The following SEMA7A variants were observed in gnomAD, a reference collection of about 807,000 sequenced individuals.
The protein encoded by SEMA7A is semaphorin 7A (JohnMiltonHagen blood group), also known as semaphorin-7A.
Under a neutral mutation model 67.5 loss-of-function variants are expected in SEMA7A, and 21 were observed. The observed-to-expected ratio is 0.31, with a 90% CI of 0.22 to 0.45. The LOEUF is 0.45. Ranked by LOEUF, SEMA7A falls within the 20% of genes least tolerant of loss-of-function variation. The pLI is 1.00. For synonymous variants in SEMA7A, 364 were observed against 368.5 expected (o/e 0.99, Z 0.14); for missense variants, 774 against 908.6 (o/e 0.85, Z 1.90).
chr15:74,433,952 C>G lies in SEMA7A; in HGVS notation c.-34G>C, dbSNP rs1045845740. 8 of 1,236,098 alleles carry G rather than the reference C, an allele frequency of 6.5e-6. No homozygotes were observed. Among genetic ancestry groups the G allele is most frequent in the Non-Finnish European group, 6.1e-6 (6 of 991,232 alleles). The allele number at this position is 1,236,098 out of a possible 1,614,324, so 76.6% of individuals were successfully genotyped here. ...CCCGGGAGCGACAGCGGCAATCAGC[C>G]GAGACTGAGCCAGCGCCCGGCCGCA... On this transcript the variant is annotated 5_prime_UTR_variant, in exon 1 of 14. Transcript: ENST00000261918.
Position 74,416,025 on chromosome 15 carries a change from C to T in SEMA7A, c.802-40G>A, listed in dbSNP as rs755803828. ...GGGAGAAGAGGCCCCTCAGCACCTG[C>T]CCGGGCTTCCCCACACACCCCAGGA... On this transcript the variant is annotated intron_variant, in intron 7 of 13. Transcript: ENST00000261918. The T allele has an allele frequency of 8.8e-6, 14 of 1,589,954 alleles. No homozygotes were observed. In the South Asian group the frequency reaches 1.6e-4, roughly 18 times the overall value.
At chr15:74,426,540 C>G (rs28362885) in intron 1 of SEMA7A, among the ~76,000 whole-genome samples, 1 of 152,096 alleles carries the variant, frequency 6.6e-6, no homozygotes, top group Non-Finnish European at 1.5e-5. Context: ...GGAATCTTCT[C>G]GAGGTGCAGC....
chr15:74,427,610 C>T (rs958575377), intron 1 of SEMA7A, among the ~76,000 whole-genome samples: 2 of 152,274 alleles, frequency 1.3e-5, no homozygotes, highest in East Asian at 1.9e-4. Flanking sequence ...GGATTACAGG[C>T]GTGAGACTCT....
In SEMA7A at chr15:74,418,754, G is replaced by A. The variant is rs758579422; in HGVS notation, c.330+47C>T. 29 of 1,596,258 alleles carry A rather than the reference G, an allele frequency of 1.8e-5. No individual in the cohort carries two copies. The African/African-American group carries it at 3.2e-4, about 18-fold the overall frequency. On this transcript the variant is annotated intron_variant, in intron 2 of 13. Coordinates refer to ENST00000261918, the MANE Select transcript of SEMA7A (RefSeq NM_003612.5). ...CTGAGGACCCTTGGCAGGGCCAGAG[G>A]GGAGATAAGAGGGTAGGGGGGGTGT...
At chr15:74,433,058 G>A (rs1280709081) in intron 1 of SEMA7A, among the ~76,000 whole-genome samples, 4 of 152,182 alleles carry the variant, frequency 2.6e-5, no homozygotes, top group Non-Finnish European at 4.4e-5. Context: ...CGCTGGAGCC[G>A]ATTTCTGGTG....
chr15:74,429,166 G>A (rs1230739169), intron 1 of SEMA7A, among the ~76,000 whole-genome samples: 1 of 152,244 alleles, frequency 6.6e-6, no homozygotes, highest in Non-Finnish European at 1.5e-5. Flanking sequence ...AAACTTTTCA[G>A]TCCAGAGCTG....
intron 1 of SEMA7A, among the ~76,000 whole-genome samples, chr15:74,429,679 G>A (rs905821130): frequency 3.3e-5 from 5 of 152,288 alleles, no homozygotes; most frequent in South Asian, 2.1e-4. Flanking sequence ...TCACTGCTGC[G>A]CCAGTCATAG....
intron 1 of SEMA7A, among the ~76,000 whole-genome samples, chr15:74,429,414 A>T (rs2061069011): frequency 6.6e-6 from 1 of 152,168 alleles, no homozygotes; most frequent in Non-Finnish European, 1.5e-5. Context: ...TGACCTATCC[A>T]TGCCACCCCC....
intron 1 of SEMA7A, among the ~76,000 whole-genome samples, chr15:74,426,615 A>T (rs895755087): frequency 1.3e-5 from 2 of 152,152 alleles, no homozygotes; most frequent in Non-Finnish European, 1.5e-5. Context: ...CTCAGAACAT[A>T]AAGTACTCTG....
rs1215935235 is a variant in SEMA7A at position 74,411,587 on chromosome 15, C to G, written c.1546G>C (p.Gly516Arg). 1.3e-6 allele frequency: 2 copies of G among 1,589,590 alleles called. No homozygotes were observed. Among genetic ancestry groups the G allele is most frequent in the South Asian group, 2.3e-5 (2 of 87,782 alleles). ...SRDPYCGWDQ[G>R]RCISIYSSER... ...GAGCTGTAGATGGAGATGCAGCGGC[C>G]TTGGTCCCAGCCGCAGTAGGGGTCT... Residue 516 changes from glycine (G) to arginine (R), a missense_variant, in exon 12 of 14, where the codon GGC becomes CGC. By Grantham distance (125) the Gly-to-Arg change is moderately radical. This residue lies in a region of SEMA7A where 427 missense variants were observed against 555.4 expected (regional missense o/e 0.77). Coordinates refer to ENST00000261918, the MANE Select transcript of SEMA7A (RefSeq NM_003612.5). The surrounding 1 kb of genome is among the most constrained non-coding windows in gnomAD (Gnocchi z 4.4).
intron 1 of SEMA7A, chr15:74,427,235 C>A (rs565316229): frequency 1.0e-6 from 1 of 985,298 alleles, no homozygotes. Flanking sequence ...GCCTATGGGG[C>A]CCTGAAGGTG....
intron 1 of SEMA7A, among the ~76,000 whole-genome samples, chr15:74,426,395 C>T: frequency 6.6e-6 from 1 of 152,208 alleles, no homozygotes; most frequent in East Asian, 1.9e-4. Flanking sequence ...TGACCTCCAC[C>T]TGTGTGTGGC....
At chr15:74,433,486 A>C in intron 1 of SEMA7A, 4 of 1,069,082 alleles carry the variant, frequency 3.7e-6, no homozygotes, top group Non-Finnish European at 4.7e-6. Context: ...CCTGGCTGCC[A>C]GGGACTTGGT....
At chr15:74,417,166 C>T (rs534720940) in intron 6 of SEMA7A, among the ~76,000 whole-genome samples, 169 bp downstream of exon 6, 1 of 152,252 alleles carries the variant, frequency 6.6e-6, no homozygotes, top group East Asian at 1.9e-4. Flanking sequence ...CTTGTCTGTT[C>T]CTCTGCTCCC....
At chr15:74,415,277 C>T (rs1335098686) in intron 8 of SEMA7A, among the ~76,000 whole-genome samples, 2 of 152,076 alleles carry the variant, frequency 1.3e-5, no homozygotes, top group Non-Finnish European at 2.9e-5. Flanking sequence ...AGGCCAGACC[C>T]CCAACCCCTT....
intron 1 of SEMA7A, among the ~76,000 whole-genome samples, chr15:74,428,077 G>A (rs971125955): frequency 3.3e-5 from 5 of 152,222 alleles, no homozygotes; most frequent in East Asian, 1.9e-4. Flanking sequence ...TGATTAGCCC[G>A]AGCCGGGACA....
intron 1 of SEMA7A, among the ~76,000 whole-genome samples, chr15:74,430,835 TAAC>T (rs1336193573): frequency 6.6e-6 from 1 of 152,000 alleles, no homozygotes; most frequent in Non-Finnish European, 1.5e-5. Flanking sequence ...CTGGAGGAGG[TAAC>T]AACAACCTCC....
At chr15:74,428,571 C>A (rs1227261983) in intron 1 of SEMA7A, among the ~76,000 whole-genome samples, 4 of 152,224 alleles carry the variant, frequency 2.6e-5, no homozygotes, top group Admixed American at 2.0e-4. Flanking sequence ...AAAGAACCAG[C>A]AGCCTCCTTT....
Position 74,410,450 on chromosome 15 carries a change from G to A in SEMA7A, c.*174C>T. 1.1e-6 allele frequency: 1 copy of A among 943,138 alleles called. No individual in the cohort carries two copies. The highest frequency in any genetic ancestry group is 2.6e-5 in the East Asian group (1 of 37,996). The allele number at this position is 943,138 out of a possible 1,614,324, so 58.4% of individuals were successfully genotyped here. ...CCCTCACCATCCGTGCGCCACCTGGGGCCCAGCAGCCGCCTGCGGCTGGAC... is the reference window on the plus strand; with the variant it reads ...CCCTCACCATCCGTGCGCCACCTGGAGCCCAGCAGCCGCCTGCGGCTGGAC... On this transcript the variant is annotated 3_prime_UTR_variant, in exon 14 of 14. Coordinates refer to ENST00000261918, the MANE Select transcript of SEMA7A (RefSeq NM_003612.5). This position sits in a 1 kb window ranked among gnomAD's most constrained non-coding sequence, Gnocchi z 7.5.
Sources: allele counts gnomAD v4.1 joint callset (sites outside exome capture counted in the v4.1 genomes callset), GRCh38; gene constraint gnomAD v4.1.1; regional missense constraint gnomAD v4.1.1; non-coding constraint Gnocchi (gnomAD v3.1); transcripts MANE v1.5; gene names NCBI Gene and HGNC (gene_info 2026-07-23, HGNC 2026-07-21).